Variants in BTBD1 observed in about 807,000 individuals in gnomAD.
BTBD1 encodes the protein BTB/POZ domain-containing protein 1.
In BTBD1, 34 loss-of-function variants were observed where a neutral mutation model predicts 48.0. That is an observed-to-expected ratio of 0.71 (90% CI 0.54 to 0.94). The LOEUF (loss-of-function observed/expected upper bound fraction) is 0.94, where lower values mean the gene tolerates loss of function less well. Among genes scored for constraint, BTBD1 ranks in the 40% least tolerant of loss-of-function variants. The pLI, the probability that BTBD1 is intolerant of heterozygous loss-of-function variation, is 0.00. For synonymous variants in BTBD1, 261 were observed against 242.1 expected, an observed-to-expected ratio of 1.08 and a Z score of -0.72; for missense variants, 543 against 625.6, an observed-to-expected ratio of 0.87 and a Z score of 1.41.
chr15:83,029,205 T>C (rs1025480968), intron 5 of BTBD1, among the ~76,000 whole-genome samples: 1 of 152,224 alleles, frequency 6.6e-6, no homozygotes, highest in Non-Finnish European at 1.5e-5. Context: ...CAACCAGATT[T>C]TTCTGTTTTA....
chr15:83,028,639 G>C (rs1186873400), intron 5 of BTBD1: 1 of 152,086 alleles, frequency 6.6e-6, no homozygotes, highest in Non-Finnish European at 1.5e-5. Context: ...CTTGTGAAGG[G>C]ACAGTTCTTT....
In BTBD1 at chr15:83,044,634, G is replaced by A. The variant is rs2032840516; in HGVS notation, c.665-2709C>T. The stretch of plus-strand genomic sequence containing the variant: ...AACTCAGACTGTGTGCAGCTTTGCA[G>A]ATGGTGCATTGGTTCAGCATCAGGA... On this transcript the variant is annotated intron_variant, in intron 3 of 7. Transcript: ENST00000261721. 4 of 1,555,440 alleles carry A rather than the reference G, an allele frequency of 2.6e-6. No homozygotes were observed. In the South Asian group the frequency reaches 4.4e-5, roughly 17 times the overall value.
intron 4 of BTBD1, among the ~76,000 whole-genome samples, chr15:83,033,220 T>TA (rs942877071): frequency 7.0e-4 from 106 of 151,626 alleles, no homozygotes; most frequent in African/African-American, 2.3e-3. Context: ...TCTCTTTTTT[T>TA]AAAAAAAATG....
intron 5 of BTBD1, among the ~76,000 whole-genome samples, chr15:83,023,175 T>C (rs1351085584): frequency 6.6e-6 from 1 of 152,096 alleles, no homozygotes; most frequent in African/African-American, 2.4e-5. Context: ...CTCTTTTTCA[T>C]GTAAAATGGT....
At chr15:83,036,511 T>G (rs1209148951) in intron 4 of BTBD1, among the ~76,000 whole-genome samples, 1 of 152,222 alleles carries the variant, frequency 6.6e-6, no homozygotes, top group Non-Finnish European at 1.5e-5. Flanking sequence ...AGGGACTGTT[T>G]GGCAGGATGG....
At chr15:83,063,404 T>C (rs1051019042) in intron 1 of BTBD1, among the ~76,000 whole-genome samples, 1 of 152,202 alleles carries the variant, frequency 6.6e-6, no homozygotes, top group Admixed American at 6.5e-5. Flanking sequence ...GAAGTCCTCT[T>C]GGTTGTACCT....
intron 2 of BTBD1, among the ~76,000 whole-genome samples, chr15:83,053,457 A>C (rs1403962506): frequency 2.0e-5 from 3 of 152,184 alleles, no homozygotes; most frequent in Non-Finnish European, 2.9e-5. Context: ...TGTACTCCAG[A>C]AACACTGGTG....
At chr15:83,033,724 T>C (rs2032568076) in intron 4 of BTBD1, among the ~76,000 whole-genome samples, 1 of 151,990 alleles carries the variant, frequency 6.6e-6, no homozygotes, top group Admixed American at 6.6e-5. Context: ...ACTACAGGTG[T>C]GTACCACCAC....
intron 4 of BTBD1, among the ~76,000 whole-genome samples, chr15:83,038,480 C>A (rs2032674084): frequency 1.3e-5 from 2 of 152,222 alleles, no homozygotes; most frequent in South Asian, 4.1e-4. Flanking sequence ...TTGCCCAAAG[C>A]AATCTACAGA....
At chr15:83,019,299 C>T (rs532135899) in intron 6 of BTBD1, among the ~76,000 whole-genome samples, 6 of 151,946 alleles carry the variant, frequency 3.9e-5, no homozygotes, top group Admixed American at 3.3e-4. Context: ...TGGTCTCAAG[C>T]GATCTGCCCA....
At chr15:83,038,491 T>C (rs1288598923) in intron 4 of BTBD1, among the ~76,000 whole-genome samples, 2 of 152,260 alleles carry the variant, frequency 1.3e-5, no homozygotes, top group East Asian at 3.9e-4. Context: ...AATCTACAGA[T>C]TTAATGCTAT....
rs932553447 is a variant in BTBD1 at position 83,042,359 on chromosome 15, T to TAC, written c.665-435_665-434insGT. Among the ~76,000 whole-genome samples the TAC allele has an allele frequency of 3.3e-5, 4 of 122,074 alleles. 1 individual carries two copies. Among genetic ancestry groups the TAC allele is most frequent in the African/African-American group, 1.3e-4 (4 of 30,790 alleles). 80.1% of individuals were successfully genotyped at this position (122,074 alleles called of 152,430 possible). On this transcript the variant is annotated intron_variant, in intron 3 of 7. Transcript: ENST00000261721. ...ACTATTAGGCAATTTTATATATATA[T>TAC]ATATATATATATATATATGTATGTA...
intron 4 of BTBD1, among the ~76,000 whole-genome samples, chr15:83,038,822 C>T (rs908014216): frequency 6.6e-5 from 10 of 152,280 alleles, no homozygotes; most frequent in Middle Eastern, 3.4e-3. Flanking sequence ...GGAAAGTTGG[C>T]TAGCCATATG....
Position 83,018,818 on chromosome 15 carries a change from C to G in BTBD1, c.1179G>C (p.Gln393His). 1 of 1,614,088 alleles carries G rather than the reference C, an allele frequency of 6.2e-7. No individual in the cohort carries two copies. Among genetic ancestry groups the G allele is most frequent in the Non-Finnish European group, 8.5e-7 (1 of 1,179,936 alleles). The change falls in exon 7 of 8, where the codon CAG becomes CAC. Residue 393 changes from glutamine (Q) to histidine (H), a missense_variant. Physicochemically the swap from Gln to His is conservative, Grantham distance 24. This residue lies in a region of BTBD1 where 300 missense variants were observed against 350.0 expected (regional missense o/e 0.86). Coordinates refer to ENST00000261721, the MANE Select transcript of BTBD1 (RefSeq NM_025238.4). ...IEYEKKQTLGQNDTGFSCDGT... is the reference protein window; with the variant it reads ...IEYEKKQTLGHNDTGFSCDGT... ...CATCACAACTAAAGCCGGTATCATT[C>G]TGTCCCAGGGTTTGCTTTTTCTCAT...
At position 83,036,034 on chromosome 15, in the gene BTBD1, T is replaced by A. The variant is rs376507465; in HGVS notation, c.862+5694A>T. 1.5e-4 allele frequency among the ~76,000 whole-genome samples: 22 copies of A among 149,388 alleles called. 1 individual carries two copies. The highest frequency in any genetic ancestry group is 1.1e-3 in the Admixed American group (16 of 14,978). ...ATTTACGTAAGGAATCCAAAATAGG[T>A]TTAAATTGGGAAATCAATTAATGTA... On this transcript the variant is annotated intron_variant, in intron 4 of 7. Transcript: ENST00000261721.
intron 1 of BTBD1, among the ~76,000 whole-genome samples, chr15:83,066,338 ACAT>A (rs1315499710): frequency 6.6e-6 from 1 of 152,038 alleles, no homozygotes; most frequent in Non-Finnish European, 1.5e-5. Flanking sequence ...TAACCCCAAA[ACAT>A]CAGTCCTGCA....
chr15:83,049,736 T>C (rs1392748983), intron 3 of BTBD1, among the ~76,000 whole-genome samples: 1 of 152,208 alleles, frequency 6.6e-6, no homozygotes, highest in Non-Finnish European at 1.5e-5. Context: ...ATCTTAATTT[T>C]CAAATATTTG....
At chr15:83,044,142 C>G (rs930653915) in intron 3 of BTBD1, among the ~76,000 whole-genome samples, 1 of 152,176 alleles carries the variant, frequency 6.6e-6, no homozygotes, top group Admixed American at 6.5e-5. Context: ...AACAACACTT[C>G]ACAGACCTGA....
intron 3 of BTBD1, 91 bp downstream of exon 3, chr15:83,049,982 T>C: frequency 1.5e-6 from 1 of 683,632 alleles, no homozygotes; most frequent in Non-Finnish European, 2.4e-6. Flanking sequence ...GGAAAGCCAC[T>C]GATTTAAAAA....
Sources: allele counts gnomAD v4.1 joint callset (sites outside exome capture counted in the v4.1 genomes callset), GRCh38; gene constraint gnomAD v4.1.1; regional missense constraint gnomAD v4.1.1; transcripts MANE v1.5; gene names NCBI Gene and HGNC (gene_info 2026-07-23, HGNC 2026-07-21).